RBPJ: variants seen among roughly 807,000 people sequenced by gnomAD.
The protein encoded by RBPJ is recombination signal binding protein for immunoglobulin kappa J region.
A neutral mutation model predicts 67.8 loss-of-function variants in RBPJ; 9 were observed. The observed-to-expected ratio is 0.13, with a 90% CI of 0.08 to 0.23. The LOEUF is 0.23. Ranked by LOEUF, RBPJ falls within the 10% of genes least tolerant of loss-of-function variation. The pLI is 1.00. For missense variants in RBPJ, 305 were observed against 595.6 expected (o/e 0.51, Z 5.08); for synonymous variants, 198 against 203.3 (o/e 0.97, Z 0.22).
intron 1 of RBPJ, among the ~76,000 whole-genome samples, chr4:26,346,165 G>T (rs1726115568): frequency 6.6e-6 from 1 of 152,144 alleles, no homozygotes; most frequent in South Asian, 2.1e-4. Flanking sequence ...AAAAATTTAG[G>T]ACATGGACAT....
Position 26,189,426 on chromosome 4 carries a change from G to A in RBPJ, c.-167+25812G>A, listed in dbSNP as rs969416109. Among the ~76,000 whole-genome samples the A allele has an allele frequency of 2.6e-5, 4 of 152,192 alleles. No individual in the cohort carries two copies. In the South Asian group the frequency reaches 8.3e-4, roughly 32 times the overall value. The stretch of plus-strand genomic sequence containing the variant: ...TAATCCCAGCACTTTGTGAGTCTGA[G>A]ACAGGCAGATCACTTGGGGTCAGGA... On this transcript the variant is annotated intron_variant, in intron 1 of 4. Transcript: ENST00000512351.
In RBPJ at chr4:26,415,475, GT is replaced by G; in HGVS notation, c.163del (p.Cys55AlafsTer38). On this transcript the variant is annotated frameshift_variant and splice_region_variant, in exon 4 of 11. Coordinates refer to ENST00000355476, the MANE Select transcript of RBPJ (RefSeq NM_015874.6). LOFTEE classifies it high-confidence loss of function. ...AQKSYGNEKR[F>X]FCPPPCVYLM... is the part of the protein sequence containing the mutation. Reference sequence around the variant, plus strand: ...TTTTTTTTCCCCTATTATTCTTCAGGTTTTTTTGCCCACCTCCTTGTGTATA... The same window carrying G: ...TTTTTTTTCCCCTATTATTCTTCAGGTTTTTTGCCCACCTCCTTGTGTATA... 1.3e-6 allele frequency: 2 copies of G among 1,564,642 alleles called. No homozygotes were observed. The highest frequency in any genetic ancestry group is 2.1e-5 in the Admixed American group (1 of 47,282).
chr4:26,375,288 C>CAAAAA (rs561305108), intron 1 of RBPJ, among the ~76,000 whole-genome samples: 1 of 102,918 alleles, frequency 9.7e-6, no homozygotes, highest in Non-Finnish European at 2.0e-5. Context: ...GACCCTGTCT[C>CAAAAA]AAAAAAAAAA....
At chr4:26,339,006 A>C (rs1209502123) in intron 1 of RBPJ, among the ~76,000 whole-genome samples, 3 of 151,506 alleles carry the variant, frequency 2.0e-5, no homozygotes, top group Non-Finnish European at 2.9e-5. Context: ...TTTTTTTTAG[A>C]GACGGGGTTT....
intron 1 of RBPJ, among the ~76,000 whole-genome samples, chr4:26,176,500 A>T (rs1200423639): frequency 1.3e-5 from 2 of 152,226 alleles, no homozygotes; most frequent in African/African-American, 2.4e-5. Flanking sequence ...GTAGCTAATC[A>T]CTCAGTAAAC....
intron 1 of RBPJ, among the ~76,000 whole-genome samples, chr4:26,169,869 C>T (rs985055298): frequency 2.0e-5 from 3 of 152,204 alleles, no homozygotes; most frequent in African/African-American, 7.2e-5. Flanking sequence ...GGCGTAGGAC[C>T]CTCTGAGCCA....
At chr4:26,137,776 G>A in the RBPJ span, among the ~76,000 whole-genome samples, 1 of 152,194 alleles carries the variant, frequency 6.6e-6, no homozygotes, top group African/African-American at 2.4e-5. Context: ...ATGATGAACT[G>A]CCTCCCTCCA....
chr4:26,409,700 A>G (rs1733830907), intron 3 of RBPJ, among the ~76,000 whole-genome samples: 1 of 151,874 alleles, frequency 6.6e-6, no homozygotes, highest in Admixed American at 6.6e-5. Flanking sequence ...GGGTTTCACC[A>G]TGTTGGCCAG....
intron 1 of RBPJ, among the ~76,000 whole-genome samples, chr4:26,174,160 G>C (rs1716712891): frequency 6.6e-6 from 1 of 152,222 alleles, no homozygotes. Flanking sequence ...AGAAGTGGGA[G>C]AAAGTGATGA....
rs115402976 is a variant in RBPJ, at chr4:26,230,855, T to C, written c.-167+67241T>C. Among the ~76,000 whole-genome samples, 1,195 of 152,278 alleles carry C rather than the reference T, an allele frequency of 7.8e-3. 14 individuals carry two copies. Among genetic ancestry groups the C allele is most frequent in the African/African-American group, 0.027 (1,140 of 41,532 alleles). ...GACAAGCATAGCTTTAGGATTCTGA[T>C]CCCTTGTCATGAAGTGTGATGAAGT... On this transcript the variant is annotated intron_variant, in intron 1 of 4. Coordinates refer to the RBPJ transcript ENST00000512351.
At chr4:26,194,204 A>C (rs1717671003) in intron 1 of RBPJ, among the ~76,000 whole-genome samples, 1 of 152,194 alleles carries the variant, frequency 6.6e-6, no homozygotes, top group African/African-American at 2.4e-5. Flanking sequence ...CTGGCCTGTC[A>C]GCCCCTTTCT....
At chr4:26,221,199 T>G (rs1718893969) in intron 1 of RBPJ, among the ~76,000 whole-genome samples, 1 of 152,158 alleles carries the variant, frequency 6.6e-6, no homozygotes, top group South Asian at 2.1e-4. Context: ...CACGCCATTC[T>G]CCTGCCTCAG....
Position 26,414,176 on chromosome 4 carries a change from A to T in RBPJ, c.156-1299A>T, listed in dbSNP as rs1734321451. 2.0e-5 allele frequency among the ~76,000 whole-genome samples: 3 copies of T among 147,168 alleles called. No homozygotes were observed. The South Asian group carries it at 6.4e-4, about 32-fold the overall frequency. ...TTTGGGTAACTAAAGGATATTCCTA[A>T]TTTTTTTTTTTTTAAGACAGAGTCT... On this transcript the variant is annotated intron_variant, in intron 3 of 10. Coordinates refer to ENST00000355476, the MANE Select transcript of RBPJ (RefSeq NM_015874.6).
At position 26,431,010 on chromosome 4, in the gene RBPJ, A is replaced by G. The variant is rs1560351442; in HGVS notation, c.*3A>G. On this transcript the variant is annotated 3_prime_UTR_variant, in exon 11 of 11. Transcript: ENST00000355476. Reference sequence around the variant, plus strand: ...CTACAGCCACAGTGGTATCCTAACTACCGTCTTTTTGCTAGGACTTAAACT... The same window carrying G: ...CTACAGCCACAGTGGTATCCTAACTGCCGTCTTTTTGCTAGGACTTAAACT... The G allele has an allele frequency of 3.1e-6, 5 of 1,610,856 alleles. No homozygotes were observed. The highest frequency in any genetic ancestry group is 4.2e-6 in the Non-Finnish European group (5 of 1,177,536).
intron 2 of RBPJ, among the ~76,000 whole-genome samples, chr4:26,393,145 C>T (rs1432432684): frequency 6.6e-6 from 1 of 152,088 alleles, no homozygotes. Flanking sequence ...CCACGCCTGG[C>T]TTCAGGTGAG....
intron 1 of RBPJ, among the ~76,000 whole-genome samples, chr4:26,246,277 C>G (rs1167472820): frequency 6.6e-6 from 1 of 152,128 alleles, no homozygotes; most frequent in African/African-American, 2.4e-5. Context: ...AGGACTTGCA[C>G]TGTTTTTGTT....
chr4:26,124,618 G>A, the RBPJ span, among the ~76,000 whole-genome samples: 1 of 151,372 alleles, frequency 6.6e-6, no homozygotes, highest in African/African-American at 2.4e-5. Flanking sequence ...TGAAATTGCT[G>A]GATCAAATGG....
At position 26,269,195 on chromosome 4, in the gene RBPJ, G is replaced by A. The variant is rs556640924; in HGVS notation, c.-166-93251G>A. Among the ~76,000 whole-genome samples, 57 of 148,658 alleles carry A rather than the reference G, an allele frequency of 3.8e-4. No individual in the cohort carries two copies. The South Asian group carries it at 0.012, about 32-fold the overall frequency. On this transcript the variant is annotated intron_variant, in intron 1 of 4. Transcript: ENST00000512351. ...AGCTGCTGCCCAGGCCCTCTCCTTGGCTATTATTTTATTTTATTTATTTAT... is the reference window on the plus strand; with the variant it reads ...AGCTGCTGCCCAGGCCCTCTCCTTGACTATTATTTTATTTTATTTATTTAT...
intron 1 of RBPJ, among the ~76,000 whole-genome samples, chr4:26,336,270 C>T (rs1346510369): frequency 2.0e-5 from 3 of 152,104 alleles, no homozygotes; most frequent in Non-Finnish European, 2.9e-5. Flanking sequence ...TCTTGACATG[C>T]TCATGTCTGT....
Sources: allele counts gnomAD v4.1 joint callset (sites outside exome capture counted in the v4.1 genomes callset), GRCh38; gene constraint gnomAD v4.1.1; transcripts MANE v1.5; gene names NCBI Gene and HGNC (gene_info 2026-07-23, HGNC 2026-07-21).